The following LANCL3 variants were observed in gnomAD, a reference collection of about 807,000 sequenced individuals.
LANCL3 encodes LanC like family member 3, also known as lanC-like protein 3.
Under a neutral mutation model 26.5 loss-of-function variants are expected in LANCL3, and 19 were observed. The observed-to-expected ratio is 0.72, with a 90% CI of 0.50 to 1.05. LANCL3 has a LOEUF of 1.05. Ranked by LOEUF, LANCL3 falls within the 50% of genes least tolerant of loss-of-function variation. The pLI, the probability that LANCL3 is intolerant of heterozygous loss-of-function variation, is 0.00. For synonymous variants in LANCL3, 160 were observed against 166.6 expected, an observed-to-expected ratio of 0.96 and a Z score of 0.30; for missense variants, 318 against 362.7, an observed-to-expected ratio of 0.88 and a Z score of 1.00.
At chrX:37,617,722 C>T (rs953767973) in intron 1 of LANCL3, among the ~76,000 whole-genome samples, 16 of 111,306 alleles carry the variant, frequency 1.4e-4, no homozygotes, top group Middle Eastern at 9.3e-3. Flanking sequence ...TTTGAGTAAG[C>T]CACCAACAGC....
chrX:37,636,490 T>C (rs1188217453), intron 1 of LANCL3, among the ~76,000 whole-genome samples: 3 of 112,465 alleles, frequency 2.7e-5, no homozygotes, highest in Non-Finnish European at 5.6e-5. Flanking sequence ...AAAAAATAAC[T>C]TTTTAAAAAG....
Position 37,612,357 on chromosome X carries a change from A to G in LANCL3, c.573+39914A>G, listed in dbSNP as rs782315194. On this transcript the variant is annotated intron_variant, in intron 1 of 4. Transcript: ENST00000378619. ...CCCCTTCCCCATGTGATTTATATGT[A>G]TCCTGAAGTTTGAACACCAGTGCTT... 2.7e-5 allele frequency among the ~76,000 whole-genome samples: 3 copies of G among 111,798 alleles called. No homozygotes were observed. The East Asian group carries it at 8.5e-4, about 32-fold the overall frequency.
At chrX:37,654,232 T>C (rs781874707) in intron 1 of LANCL3, among the ~76,000 whole-genome samples, 4 of 112,859 alleles carry the variant, frequency 3.5e-5, no homozygotes, top group Non-Finnish European at 7.5e-5. Flanking sequence ...ATGCTAGATT[T>C]TGGGAAACCA....
rs186238605 is a variant in LANCL3, at chrX:37,596,001, A to G, written c.573+23558A>G. Among the ~76,000 whole-genome samples, 130 of 112,157 alleles carry G rather than the reference A, an allele frequency of 1.2e-3. 2 individuals carry two copies. Among genetic ancestry groups the G allele is most frequent in the African/African-American group, 3.9e-3 (120 of 30,916 alleles). On this transcript the variant is annotated intron_variant, in intron 1 of 4. Transcript: ENST00000378619. ...TTCAATGTTCATGAATTATATATGT[A>G]TGGAAGAGTCAAAGCTTATTTCCAG...
chrX:37,606,596 A>T (rs1486896949), intron 1 of LANCL3, among the ~76,000 whole-genome samples: 1 of 111,747 alleles, frequency 8.9e-6, no homozygotes, highest in Non-Finnish European at 1.9e-5. Context: ...TATTTGTTGA[A>T]TGAATAGATG....
At chrX:37,658,759 T>A (rs1926346674) in intron 2 of LANCL3, among the ~76,000 whole-genome samples, 1 of 112,170 alleles carries the variant, frequency 8.9e-6, no homozygotes, top group Admixed American at 9.4e-5. Flanking sequence ...TCTTCAAATG[T>A]ATCGACCAAA....
intron 1 of LANCL3, among the ~76,000 whole-genome samples, chrX:37,618,045 T>C (rs1387657945): frequency 8.9e-6 from 1 of 111,768 alleles, no homozygotes; most frequent in Non-Finnish European, 1.9e-5. Context: ...AAAGGGCTTC[T>C]TGAAAGCCAA....
intron 1 of LANCL3, among the ~76,000 whole-genome samples, chrX:37,647,054 C>T (rs1032726984): frequency 1.8e-5 from 2 of 112,127 alleles, no homozygotes; most frequent in East Asian, 5.6e-4. Flanking sequence ...GTGGCTCACA[C>T]CTGTAATCCC....
chrX:37,576,692 A>T (rs1281131373), intron 1 of LANCL3, among the ~76,000 whole-genome samples: 3 of 111,607 alleles, frequency 2.7e-5, no homozygotes, highest in Non-Finnish European at 5.6e-5. Flanking sequence ...TGGTGAAGAA[A>T]AAAATAACAT....
intron 1 of LANCL3, among the ~76,000 whole-genome samples, chrX:37,596,358 C>A (rs960872220): frequency 8.9e-6 from 1 of 112,036 alleles, no homozygotes; most frequent in Non-Finnish European, 1.9e-5. Flanking sequence ...AGAGGTTCTA[C>A]TAAAATTGTT....
At chrX:37,584,565 G>A (rs1208486535) in intron 1 of LANCL3, among the ~76,000 whole-genome samples, 1 of 111,413 alleles carries the variant, frequency 9.0e-6, no homozygotes, top group Non-Finnish European at 1.9e-5. Context: ...ATGTGTCGAG[G>A]AATTTATCCA....
intron 1 of LANCL3, among the ~76,000 whole-genome samples, chrX:37,600,223 T>G (rs1924543003): frequency 8.9e-6 from 1 of 112,024 alleles, no homozygotes; most frequent in African/African-American, 3.2e-5. Flanking sequence ...GTATATTATT[T>G]TAATTGTTCT....
chrX:37,605,485 T>A (rs1184619857), intron 1 of LANCL3, among the ~76,000 whole-genome samples: 1 of 111,564 alleles, frequency 9.0e-6, no homozygotes, highest in Non-Finnish European at 1.9e-5. Flanking sequence ...ATTTTAGTTA[T>A]CCTACTCTTA....
intron 1 of LANCL3, among the ~76,000 whole-genome samples, chrX:37,603,964 C>T (rs935581571): frequency 2.7e-5 from 3 of 112,381 alleles, no homozygotes; most frequent in Non-Finnish European, 5.6e-5. Context: ...AATATTGAAA[C>T]AATGCCAGCT....
At chrX:37,646,415 TAC>T (rs1165058667) in intron 1 of LANCL3, among the ~76,000 whole-genome samples, 6 of 112,370 alleles carry the variant, frequency 5.3e-5, no homozygotes, top group African/African-American at 1.9e-4. Context: ...CTTTATCTGC[TAC>T]AGAGATTTCC....
At chrX:37,656,468 C>T (rs1644126439) in intron 2 of LANCL3, among the ~76,000 whole-genome samples, 1 of 111,711 alleles carries the variant, frequency 9.0e-6, no homozygotes. Context: ...TGCCCTACTT[C>T]CCCCAACCCC....
chrX:37,616,796 A>G (rs1340880535), intron 1 of LANCL3, among the ~76,000 whole-genome samples: 1 of 111,680 alleles, frequency 9.0e-6, no homozygotes, highest in African/African-American at 3.3e-5. Context: ...GTGTTTTATC[A>G]GAGTGGTCCC....
intron 1 of LANCL3, among the ~76,000 whole-genome samples, chrX:37,574,054 C>CAAAAAAAAAAAAAAAAAAAAAAAAAA (rs34987799): frequency 3.0e-5 from 1 of 33,414 alleles, no homozygotes; most frequent in African/African-American, 9.3e-5. Flanking sequence ...TCAAGGATAG[C>CAAAAAAAAAAAAAAAAAAAAAAAAAA]AAAAAAAAAA....
In LANCL3 at chrX:37,655,581, T is replaced by G. The variant is rs1926262519; in HGVS notation, c.574-107T>G. ...GTTGACTAAGTTTATTTACATATAG[T>G]ACAGGATTCTGTGGATATGATGCTA... On this transcript the variant is annotated intron_variant, in intron 1 of 4. Transcript: ENST00000378619. 3.1e-5 allele frequency: 19 copies of G among 619,346 alleles called. No homozygotes were observed. In the South Asian group the frequency reaches 7.8e-4, roughly 25 times the overall value. 51.0% of individuals were successfully genotyped at this position (619,346 alleles called of 1,213,427 possible).
Sources: gnomAD v4.1 joint callset for allele counts (sites outside exome capture counted in the v4.1 genomes callset) on GRCh38, gnomAD v4.1.1 for gene constraint, MANE v1.5 for transcripts, NCBI Gene and HGNC (gene_info 2026-07-23, HGNC 2026-07-21) for gene names.